Variants in ACOX3 observed in about 807,000 individuals in gnomAD.
ACOX3 encodes the protein peroxisomal acyl-coenzyme A oxidase 3.
In ACOX3, 73 loss-of-function variants were observed where a neutral mutation model predicts 81.5. The observed-to-expected ratio is 0.90, with a 90% confidence interval of 0.74 to 1.09. The LOEUF is 1.09. ACOX3 is among the 50% of genes least tolerant of loss of function. ACOX3 has a pLI of 0.00. For synonymous variants in ACOX3, 387 were observed against 375.1 expected (o/e 1.03, Z -0.37); for missense variants, 947 against 928.0 (o/e 1.02, Z -0.27).
At chr4:8,357,012 A>G in the ACOX3 span, 1 of 456,504 alleles carries the variant, frequency 2.2e-6, no homozygotes, top group Non-Finnish European at 4.4e-6. Context: ...AGTGTGCAGA[A>G]TGGTGCATGC....
In ACOX3 at chr4:8,399,138, C is replaced by T. The variant is rs1336689485; in HGVS notation, c.873+418G>A. Among the ~76,000 whole-genome samples the T allele has an allele frequency of 6.6e-6, 1 of 152,208 alleles. No individual in the cohort carries two copies. The highest frequency in any genetic ancestry group is 2.4e-5 in the African/African-American group (1 of 41,454). On this transcript the variant is annotated intron_variant, in intron 8 of 17. Coordinates refer to ENST00000356406, the MANE Select transcript of ACOX3 (RefSeq NM_003501.3). This position sits in a 1 kb window ranked among gnomAD's most constrained non-coding sequence, Gnocchi z 4.9. The stretch of plus-strand genomic sequence containing the variant: ...AGCTATGACCTGGGCCATCGCTCCC[C>T]AGGACCACGGTCTCTCTTCTGCTCT...
chr4:8,414,228 G>T lies in ACOX3; in HGVS notation c.543+64C>A. ...TTTTTTTTTCTTATTCTGGGCAACG[G>T]CATTTGCACTCATGACGTCTCATAT... On this transcript the variant is annotated intron_variant, in intron 5 of 17. Transcript: ENST00000356406. This position sits in a 1 kb window ranked among gnomAD's most constrained non-coding sequence, Gnocchi z 6.1. 1 of 1,361,106 alleles carries T rather than the reference G, an allele frequency of 7.3e-7. No homozygotes were observed. Among genetic ancestry groups the T allele is most frequent in the Non-Finnish European group, 1.0e-6 (1 of 955,118 alleles). The allele number at this position is 1,361,106 out of a possible 1,614,324, so 84.3% of individuals were successfully genotyped here.
Position 8,414,799 on chromosome 4 carries a change from TAC to T in ACOX3, c.453+53_453+54del. 2 of 1,557,026 alleles carry T rather than the reference TAC, an allele frequency of 1.3e-6. No homozygotes were observed. Among genetic ancestry groups the T allele is most frequent in the Admixed American group, 3.3e-5 (2 of 59,926 alleles). Reference sequence around the variant, plus strand: ...ACAATCTTCTCTTTTCACAAATCTCTACAGAGATCAAGCAAGAGAACCAGGCT... The same window carrying T: ...ACAATCTTCTCTTTTCACAAATCTCTAGAGATCAAGCAAGAGAACCAGGCT... On this transcript the variant is annotated intron_variant, in intron 4 of 17. Coordinates refer to ENST00000356406, the MANE Select transcript of ACOX3 (RefSeq NM_003501.3). The surrounding 1 kb of genome is among the most constrained non-coding windows in gnomAD (Gnocchi z 6.1).
rs1386773675 is a variant in ACOX3 at position 8,423,414 on chromosome 4, C to T, written c.-14-6879G>A. Among the ~76,000 whole-genome samples the T allele has an allele frequency of 6.6e-6, 1 of 152,078 alleles. No homozygotes were observed. The highest frequency in any genetic ancestry group is 1.5e-5 in the Non-Finnish European group (1 of 68,016). ...ATGGATGAGGGAAGAATGCCCGTCC[C>T]GTTCAAGTTAAACTAAAGGATTCCG... is the stretch of plus-strand genomic sequence containing the variant. On this transcript the variant is annotated intron_variant, in intron 1 of 17. Coordinates refer to ENST00000356406, the MANE Select transcript of ACOX3 (RefSeq NM_003501.3). This position sits in a 1 kb window ranked among gnomAD's most constrained non-coding sequence, Gnocchi z 4.2.
At chr4:8,396,503 C>G (rs1474882776) in intron 9 of ACOX3, among the ~76,000 whole-genome samples, 1 of 151,886 alleles carries the variant, frequency 6.6e-6, no homozygotes, top group African/African-American at 2.4e-5. Flanking sequence ...ACAGCAGAAC[C>G]CTGTCTCTAC....
Position 8,381,265 on chromosome 4 carries a change from G to A in ACOX3, c.1653+227C>T, listed in dbSNP as rs111528211. Among the ~76,000 whole-genome samples, 204 of 152,222 alleles carry A rather than the reference G, an allele frequency of 1.3e-3. 2 individuals are homozygous for A. Among genetic ancestry groups the A allele is most frequent in the African/African-American group, 4.4e-3 (181 of 41,522 alleles). The stretch of plus-strand genomic sequence containing the variant: ...TTACGGGCTGGGAACCGTCAGGCAC[G>A]GTAAATGTAACATCCATGACCTCCC... On this transcript the variant is annotated intron_variant, in intron 14 of 17. Coordinates refer to ENST00000356406, the MANE Select transcript of ACOX3 (RefSeq NM_003501.3). This position sits in a 1 kb window ranked among gnomAD's most constrained non-coding sequence, Gnocchi z 4.3.
At chr4:8,366,026 G>A (rs1279870406), downstream of ACOX3, among the ~76,000 whole-genome samples, 8 of 152,202 alleles carry the variant, frequency 5.3e-5, no homozygotes, top group Admixed American at 3.9e-4. Flanking sequence ...TACTGAAGAC[G>A]AAGGCCTTCC....
At chr4:8,372,563 T>C (rs1716350836) in intron 16 of ACOX3, among the ~76,000 whole-genome samples, 2 of 152,182 alleles carry the variant, frequency 1.3e-5, no homozygotes, top group South Asian at 2.1e-4. Context: ...CCCCTCCCTG[T>C]GGCCAGTTCG....
At position 8,389,038 on chromosome 4, in the gene ACOX3, G is replaced by T; in HGVS notation, c.1537+135C>A. ...TCCATGAGCCAGCCCAGGACAAGCT[G>T]CATGCGGGGCCTCCCACCACCACTG... On this transcript the variant is annotated intron_variant, in intron 13 of 17. Transcript: ENST00000356406. The surrounding 1 kb of genome is among the most constrained non-coding windows in gnomAD (Gnocchi z 5.3). 1.5e-6 allele frequency: 1 copy of T among 670,762 alleles called. No homozygotes were observed. 41.6% of individuals were successfully genotyped at this position (670,762 alleles called of 1,614,324 possible).
At chr4:8,379,402 T>C (rs1177846349) in intron 14 of ACOX3, among the ~76,000 whole-genome samples, 2 of 152,164 alleles carry the variant, frequency 1.3e-5, no homozygotes, top group African/African-American at 4.8e-5. Context: ...CTGGCAACTG[T>C]TTTCCCTCCA....
At chr4:8,424,116 G>A (rs1477174058) in intron 1 of ACOX3, among the ~76,000 whole-genome samples, 1 of 152,214 alleles carries the variant, frequency 6.6e-6, no homozygotes, top group African/African-American at 2.4e-5. Context: ...AATGCATCCA[G>A]CCTATACTGG....
At position 8,383,569 on chromosome 4, in the gene ACOX3, C is replaced by A. The variant is rs556539176; in HGVS notation, c.1538-1962G>T. On this transcript the variant is annotated intron_variant, in intron 13 of 17. Transcript: ENST00000356406. ...AGGAGCCTGGGCGGGAAAAGCCCCC[C>A]CACCACGAGAGGGAGGCGGGTAGCC... Among the ~76,000 whole-genome samples, 3 of 152,308 alleles carry A rather than the reference C, an allele frequency of 2.0e-5. No individual in the cohort carries two copies. The South Asian group carries it at 6.2e-4, about 32-fold the overall frequency.
At position 8,423,928 on chromosome 4, in the gene ACOX3, G is replaced by C. The variant is rs1331367173; in HGVS notation, c.-14-7393C>G. On this transcript the variant is annotated intron_variant, in intron 1 of 17. Coordinates refer to ENST00000356406, the MANE Select transcript of ACOX3 (RefSeq NM_003501.3). The surrounding 1 kb of genome is among the most constrained non-coding windows in gnomAD (Gnocchi z 4.2). ...GGGCACTCTTGTCCTTCGGTATGCG[G>C]ATGATTTACTTTTAGCCACCCATTC... Among the ~76,000 whole-genome samples, 3 of 152,202 alleles carry C rather than the reference G, an allele frequency of 2.0e-5. No individual in the cohort carries two copies. The East Asian group carries it at 5.8e-4, about 29-fold the overall frequency.
At chr4:8,417,099 C>A (rs1263809561) in intron 1 of ACOX3, among the ~76,000 whole-genome samples, 1 of 152,270 alleles carries the variant, frequency 6.6e-6, no homozygotes, top group Admixed American at 6.5e-5. Context: ...TGGCTTCCCG[C>A]TAACACAGCA....
intron 3 of ACOX3, among the ~76,000 whole-genome samples, chr4:8,415,497 C>G (rs1369225638): frequency 6.7e-6 from 1 of 149,256 alleles, no homozygotes; most frequent in Non-Finnish European, 1.5e-5. Context: ...TCTGATGGGA[C>G]TTGAAGCTTC....
At chr4:8,361,782 A>G (rs1274275091), downstream of ACOX3, among the ~76,000 whole-genome samples, 1 of 152,252 alleles carries the variant, frequency 6.6e-6, no homozygotes, top group Non-Finnish European at 1.5e-5. Context: ...CTTTGACATC[A>G]ACAGTGCACT....
rs776802578 is a variant in ACOX3 at position 8,416,359 on chromosome 4, G to A, written c.144+19C>T. The A allele has an allele frequency of 5.0e-6, 8 of 1,614,022 alleles. No homozygotes were observed. The highest frequency in any genetic ancestry group is 1.7e-5 in the Admixed American group (1 of 60,014). ...CCCACTGGGAAAAAAGACAAGCTGC[G>A]CACAACCGCACGCCTCACCTTAAAG... On this transcript the variant is annotated intron_variant, in intron 2 of 17. Coordinates refer to ENST00000356406, the MANE Select transcript of ACOX3 (RefSeq NM_003501.3). The surrounding 1 kb of genome is among the most constrained non-coding windows in gnomAD (Gnocchi z 4.2).
At chr4:8,375,314 A>C (rs1443096284) in intron 14 of ACOX3, among the ~76,000 whole-genome samples, 162 bp from the exon 15 acceptor site, 1 of 152,222 alleles carries the variant, frequency 6.6e-6, no homozygotes. Flanking sequence ...GCGCAGCACG[A>C]GACATGTTTC....
rs1210800000 is a variant in ACOX3 at position 8,367,818 on chromosome 4, A to T, written c.1984-738T>A. Among the ~76,000 whole-genome samples the T allele has an allele frequency of 2.5e-4, 33 of 133,940 alleles. 1 individual carries two copies. Among genetic ancestry groups the T allele is most frequent in the African/African-American group, 1.1e-3 (32 of 30,328 alleles). The allele number at this position is 133,940 out of a possible 152,430, so 87.9% of individuals were successfully genotyped here. ...AACCCCATCTTTACAAAAAAAAAAA[A>T]AAAAAAAAAAAAAAAAGCAAAAAAT... is the stretch of plus-strand genomic sequence containing the variant. On this transcript the variant is annotated intron_variant, in intron 17 of 17. Coordinates refer to ENST00000356406, the MANE Select transcript of ACOX3 (RefSeq NM_003501.3).
Sources: gnomAD v4.1 joint callset for allele counts (sites outside exome capture counted in the v4.1 genomes callset) on GRCh38, gnomAD v4.1.1 for gene constraint, Gnocchi (gnomAD v3.1) non-coding constraint, MANE v1.5 for transcripts, NCBI Gene and HGNC (gene_info 2026-07-23, HGNC 2026-07-21) for gene names.